The following RERE variants were observed in gnomAD, a reference collection of about 807,000 sequenced individuals.
RERE encodes the protein arginine-glutamic acid dipeptide repeats.
A neutral mutation model predicts 146.1 loss-of-function variants in RERE; 40 were observed. The observed-to-expected ratio is 0.27, with a 90% CI of 0.21 to 0.36. RERE has a LOEUF of 0.36. RERE is among the 10% of genes least tolerant of loss of function. The pLI, the probability that RERE is intolerant of heterozygous loss-of-function variation, is 1.00. For synonymous variants in RERE, 1,003 were observed against 866.0 expected (o/e 1.16, Z -2.78); for missense variants, 1,933 against 2,138.7 (o/e 0.90, Z 1.90).
At position 8,756,049 on chromosome 1, in the gene RERE, C is replaced by CT. The variant is rs1441366407; in HGVS notation, c.-145+61110dup. Among the ~76,000 whole-genome samples, 4 of 152,140 alleles carry CT rather than the reference C, an allele frequency of 2.6e-5. No homozygotes were observed. The East Asian group carries it at 7.7e-4, about 29-fold the overall frequency. ...GGTGGCTATAGCTGTAATCCCAGCACTTTGAGAGGCCAATGCAGAGGGATT... is the reference window on the plus strand; with the variant it reads ...GGTGGCTATAGCTGTAATCCCAGCACTTTTGAGAGGCCAATGCAGAGGGATT... On this transcript the variant is annotated intron_variant, in intron 1 of 22. Transcript: ENST00000400908.
intron 2 of RERE, among the ~76,000 whole-genome samples, chr1:8,648,035 T>C (rs983140686): frequency 3.3e-5 from 5 of 152,184 alleles, no homozygotes; most frequent in Non-Finnish European, 5.9e-5. Flanking sequence ...AACAAGTCCA[T>C]GTAACCAGTA....
chr1:8,713,272 G>T (rs1162536873), intron 1 of RERE, among the ~76,000 whole-genome samples: 2 of 152,114 alleles, frequency 1.3e-5, no homozygotes, highest in Non-Finnish European at 2.9e-5. Flanking sequence ...GTTTTCTATT[G>T]ATTACCTCTA....
chr1:8,446,741 C>G (rs1283798378), intron 11 of RERE, among the ~76,000 whole-genome samples: 1 of 152,078 alleles, frequency 6.6e-6, no homozygotes, highest in African/African-American at 2.4e-5. Flanking sequence ...GTGGCGCCAT[C>G]TCGGCTCACT....
chr1:8,636,410 T>C (rs952480141), intron 2 of RERE, among the ~76,000 whole-genome samples: 4 of 152,124 alleles, frequency 2.6e-5, no homozygotes, highest in African/African-American at 9.7e-5. Flanking sequence ...GGCACATGCT[T>C]GTAGTCCCAC....
intron 12 of RERE, among the ~76,000 whole-genome samples, chr1:8,384,605 A>G (rs568924056): frequency 6.6e-6 from 1 of 152,216 alleles, no homozygotes; most frequent in Non-Finnish European, 1.5e-5. Flanking sequence ...GAACTGATGA[A>G]TATCACTTAA....
At chr1:8,622,035 G>C (rs1457189257) in intron 3 of RERE, among the ~76,000 whole-genome samples, 3 of 152,120 alleles carry the variant, frequency 2.0e-5, no homozygotes, top group Non-Finnish European at 4.4e-5. Context: ...TTTAGAAAAA[G>C]GTATCTAAAC....
chr1:8,684,996 C>G (rs1639053441), intron 1 of RERE, among the ~76,000 whole-genome samples: 1 of 151,872 alleles, frequency 6.6e-6, no homozygotes, highest in African/African-American at 2.4e-5. Context: ...TAACTGGGAC[C>G]ACAGACACGT....
chr1:8,710,453 T>C (rs1639642956), intron 1 of RERE, among the ~76,000 whole-genome samples: 1 of 152,242 alleles, frequency 6.6e-6, no homozygotes, highest in Admixed American at 6.5e-5. Context: ...AACATTAAGG[T>C]TGGGCATTAG....
chr1:8,694,973 A>AGC (rs765455359), intron 1 of RERE, among the ~76,000 whole-genome samples: 29 of 33,182 alleles, frequency 8.7e-4, no homozygotes, highest in Non-Finnish European at 1.4e-3. Flanking sequence ...AGAAATCCTA[A>AGC]GGGGGGGGGG....
intron 11 of RERE, among the ~76,000 whole-genome samples, chr1:8,447,785 C>T (rs2124045667): frequency 6.6e-6 from 1 of 152,340 alleles, no homozygotes; most frequent in Non-Finnish European, 1.5e-5. Context: ...GTGTGCGGCA[C>T]TTGCCTGCGT....
intron 4 of RERE, among the ~76,000 whole-genome samples, chr1:8,599,189 G>A (rs1646591478): frequency 6.6e-6 from 1 of 152,128 alleles, no homozygotes; most frequent in East Asian, 1.9e-4. Flanking sequence ...CATTTCTTTT[G>A]GTCACTGAGG....
chr1:8,397,608 TG>T (rs1490173839), intron 12 of RERE, among the ~76,000 whole-genome samples: 1 of 150,622 alleles, frequency 6.6e-6, no homozygotes, highest in Non-Finnish European at 1.5e-5. Context: ...AAAAAACACA[TG>T]AAACTGTCAC....
At chr1:8,532,403 T>C (rs1645667170) in intron 7 of RERE, among the ~76,000 whole-genome samples, 1 of 142,662 alleles carries the variant, frequency 7.0e-6, no homozygotes, top group African/African-American at 2.5e-5. Flanking sequence ...TTCATTTTTC[T>C]TTTTCTCTTT....
chr1:8,788,018 A>G (rs1243728518), intron 1 of RERE, among the ~76,000 whole-genome samples: 1 of 152,102 alleles, frequency 6.6e-6, no homozygotes, highest in Non-Finnish European at 1.5e-5. Flanking sequence ...GGACGGCTTG[A>G]GCCCGGGAGG....
At chr1:8,369,508 TAAA>T (rs1186718390) in intron 12 of RERE, among the ~76,000 whole-genome samples, 17 of 76,904 alleles carry the variant, frequency 2.2e-4, no homozygotes, top group East Asian at 4.5e-4. Flanking sequence ...CGCCTTTTAC[TAAA>T]AAAAAAAAAA....
chr1:8,685,197 G>C (rs1239156180), intron 1 of RERE, among the ~76,000 whole-genome samples: 1 of 152,136 alleles, frequency 6.6e-6, no homozygotes, highest in Admixed American at 6.5e-5. Flanking sequence ...TGCTTCCATA[G>C]AGAGGAACTT....
At chr1:8,467,729 C>G (rs1644619965) in intron 10 of RERE, among the ~76,000 whole-genome samples, 1 of 152,140 alleles carries the variant, frequency 6.6e-6, no homozygotes, top group Admixed American at 6.5e-5. Flanking sequence ...ACTGCAAACT[C>G]TGCCTCCCGG....
intron 11 of RERE, chr1:8,430,115 T>A (rs1421694683): frequency 1.3e-5 from 2 of 152,240 alleles, no homozygotes; most frequent in Non-Finnish European, 2.9e-5. Context: ...ATCATCCTGT[T>A]GGTTGCAGAT....
At position 8,655,905 on chromosome 1, in the gene RERE, T is replaced by G. The variant is rs1317691959; in HGVS notation, c.325+68A>C. 7.7e-6 allele frequency: 12 copies of G among 1,552,998 alleles called. No individual in the cohort carries two copies. The Middle Eastern group carries it at 5.2e-4, about 67-fold the overall frequency. On this transcript the variant is annotated intron_variant, in intron 2 of 22. Coordinates refer to ENST00000400908, the MANE Select transcript of RERE (RefSeq NM_001042681.2). ...CTTAAAGTGTACAAAGCGTATTTAT[T>G]TCACCATAATGCCAAGATCATTCCC...
Sources: allele counts gnomAD v4.1 joint callset (sites outside exome capture counted in the v4.1 genomes callset), GRCh38; gene constraint gnomAD v4.1.1; transcripts MANE v1.5; gene names NCBI Gene and HGNC (gene_info 2026-07-23, HGNC 2026-07-21).